Variants in GPHN observed in about 807,000 individuals in gnomAD.
GPHN encodes gephyrin.
In GPHN, 17 loss-of-function variants were observed where a neutral mutation model predicts 95.5. The ratio of observed to expected loss-of-function variants is 0.18; its 90% confidence interval spans 0.12 to 0.27. The LOEUF (loss-of-function observed/expected upper bound fraction) is 0.27. GPHN is among the 10% of genes least tolerant of loss of function. GPHN has a pLI of 1.00. For missense variants in GPHN, 660 were observed against 978.1 expected, an observed-to-expected ratio of 0.67 and a Z score of 4.34; for synonymous variants, 320 against 322.5, an observed-to-expected ratio of 0.99 and a Z score of 0.08.
At chr14:67,468,245 A>T in the GPHN span, among the ~76,000 whole-genome samples, 2 of 152,058 alleles carry the variant, frequency 1.3e-5, no homozygotes, top group Non-Finnish European at 2.9e-5. Flanking sequence ...GAGTGCTGGG[A>T]TCATAGGCTT....
At chr14:67,271,386 TC>T in the GPHN span, 2 of 152,220 alleles carry the variant, frequency 1.3e-5, no homozygotes, top group South Asian at 4.1e-4. Context: ...TCTGAAGCCT[TC>T]TGTTGTTTGG....
At chr14:67,157,601 A>G (rs1194226174) in intron 18 of GPHN, among the ~76,000 whole-genome samples, 1 of 152,148 alleles carries the variant, frequency 6.6e-6, no homozygotes, top group African/African-American at 2.4e-5. Flanking sequence ...GGGTGGGTGG[A>G]TCGCTTGAGG....
intron 1 of GPHN, among the ~76,000 whole-genome samples, chr14:66,627,575 A>G (rs937726181): frequency 1.3e-5 from 2 of 152,094 alleles, no homozygotes; most frequent in African/African-American, 4.8e-5. Flanking sequence ...ATCTAGGTAT[A>G]GAATGGCCAG....
intron 1 of GPHN, among the ~76,000 whole-genome samples, chr14:66,669,278 C>T (rs962445770): frequency 1.3e-5 from 2 of 151,020 alleles, no homozygotes; most frequent in African/African-American, 4.9e-5. Context: ...GCGGGAGAAT[C>T]GCTTGAACCC....
At chr14:67,585,432 T>C in the GPHN span, 150 of 656,998 alleles carry the variant, frequency 2.3e-4, no homozygotes, top group African/African-American at 2.5e-3. Context: ...ACAAATATCA[T>C]CTTTGTTTTC....
chr14:66,977,593 T>C (rs2070342926), intron 9 of GPHN, among the ~76,000 whole-genome samples: 1 of 152,114 alleles, frequency 6.6e-6, no homozygotes, highest in South Asian at 2.1e-4. Flanking sequence ...GGAAAATAAC[T>C]TGTATTAATA....
At chr14:67,204,714 C>CTTGAATCAGGAG in the GPHN span, 1 of 1,613,888 alleles carries the variant, frequency 6.2e-7, no homozygotes, top group East Asian at 2.2e-5. Flanking sequence ...AGGAGAAAGC[C>CTTGAATCAGGAG]AAAGTTTCCA....
chr14:67,080,829 G>T (rs1394696469), intron 11 of GPHN, among the ~76,000 whole-genome samples: 1 of 152,094 alleles, frequency 6.6e-6, no homozygotes, highest in East Asian at 1.9e-4. Context: ...TCATGGCTTA[G>T]CTCCCACTTA....
At chr14:66,699,048 A>G (rs2068315499) in intron 2 of GPHN, among the ~76,000 whole-genome samples, 1 of 152,234 alleles carries the variant, frequency 6.6e-6, no homozygotes. Flanking sequence ...TCTTCAAGGT[A>G]ATGAAAAGAG....
chr14:66,824,695 G>C, intron 4 of GPHN, 129 bp downstream of exon 4: 2 of 585,896 alleles, frequency 3.4e-6, no homozygotes, highest in Non-Finnish European at 6.0e-6. Flanking sequence ...TTCTAATAAT[G>C]TGAAAATTTT....
the GPHN span, chr14:67,392,182 C>T: frequency 6.2e-6 from 4 of 646,240 alleles, no homozygotes; most frequent in Non-Finnish European, 8.4e-6. Context: ...CTCCTGGAGG[C>T]TGGTGCTGGG....
intron 10 of GPHN, among the ~76,000 whole-genome samples, chr14:67,026,427 C>G (rs904737984): frequency 6.6e-6 from 1 of 152,056 alleles, no homozygotes; most frequent in Non-Finnish European, 1.5e-5. Context: ...TTGAACGTTA[C>G]TGTGTATTAA....
chr14:67,159,642 G>A (rs1375937418), intron 19 of GPHN, among the ~76,000 whole-genome samples, 154 bp downstream of exon 19: 1 of 152,096 alleles, frequency 6.6e-6, no homozygotes, highest in Non-Finnish European at 1.5e-5. Context: ...ACAAGTGCAG[G>A]TTCTAATGAA....
the GPHN span, chr14:67,727,388 CAA>C: frequency 1.1e-5 from 6 of 561,778 alleles, no homozygotes; most frequent in Admixed American, 1.7e-4. Context: ...TTAAGAACCT[CAA>C]AAAGTTACCT....
chr14:67,316,993 G>A, the GPHN span: 2 of 998,112 alleles, frequency 2.0e-6, no homozygotes, highest in Non-Finnish European at 1.5e-6. Flanking sequence ...CCGTGAAGAA[G>A]TACTCAGGGA....
chr14:67,601,017 G>C, the GPHN span, among the ~76,000 whole-genome samples: 15 of 152,346 alleles, frequency 9.8e-5, no homozygotes, highest in East Asian at 2.7e-3. Flanking sequence ...TGAGGATGCA[G>C]CAGTGAACGA....
the GPHN span, among the ~76,000 whole-genome samples, chr14:67,406,103 T>A: frequency 6.6e-6 from 1 of 151,748 alleles, no homozygotes; most frequent in African/African-American, 2.4e-5. Context: ...TACTAAAAAT[T>A]CAAAAATTAG....
chr14:67,473,602 A>G, the GPHN span: 1 of 1,603,344 alleles, frequency 6.2e-7, no homozygotes, highest in Admixed American at 1.7e-5. This position sits in a 1 kb window ranked among gnomAD's most constrained non-coding sequence, Gnocchi z 6.5. Flanking sequence ...TCAAAGTCGA[A>G]CTGGGAGTAG....
At chr14:67,693,636 T>C in the GPHN span, among the ~76,000 whole-genome samples, 1 of 151,100 alleles carries the variant, frequency 6.6e-6, no homozygotes, top group East Asian at 2.0e-4. Context: ...TCCTTGTTTC[T>C]TTCTTTCTCT....
Sources: allele counts gnomAD v4.1 joint callset (sites outside exome capture counted in the v4.1 genomes callset), GRCh38; gene constraint gnomAD v4.1.1; non-coding constraint Gnocchi (gnomAD v3.1); transcripts MANE v1.5; gene names NCBI Gene and HGNC (gene_info 2026-07-23, HGNC 2026-07-21).